CCDC186: variants seen among roughly 807,000 people sequenced by gnomAD.
The protein encoded by CCDC186 is coiled-coil domain containing 186, also known as coiled-coil domain-containing protein 186.
A neutral mutation model predicts 113.7 loss-of-function variants in CCDC186; 49 were observed. The ratio of observed to expected loss-of-function variants is 0.43; its 90% CI spans 0.34 to 0.55. The LOEUF is 0.55. Ranked by LOEUF, CCDC186 falls within the 20% of genes least tolerant of loss-of-function variation. The pLI is 0.02. For synonymous variants in CCDC186, 355 were observed against 345.8 expected (o/e 1.03, Z -0.30); for missense variants, 890 against 1,011.1 (o/e 0.88, Z 1.62).
At chr10:114,172,419 GACA>G (rs1200881515) in intron 1 of CCDC186, among the ~76,000 whole-genome samples, 1 of 152,172 alleles carries the variant, frequency 6.6e-6, no homozygotes, top group African/African-American at 2.4e-5. Context: ...AGCATTAAAG[GACA>G]ACTCTACTTT....
In CCDC186 at chr10:114,129,899, C is replaced by A; in HGVS notation, c.2174G>T (p.Ser725Ile). Residue 725 changes from serine (S) to isoleucine (I), a missense_variant, in exon 13 of 16, where the codon AGT becomes ATT. Physicochemically the swap from Ser to Ile is moderately radical, Grantham distance 142. Transcript: ENST00000369287. ...KEVSSMGSRS[S>I]SSGSLNARSS... ...AGCCACTAGTTTTTTACCTGATGAACTAGAACGACTTCCCATGCTGCTGAC... is the reference window on the plus strand; with the variant it reads ...AGCCACTAGTTTTTTACCTGATGAAATAGAACGACTTCCCATGCTGCTGAC... 1 of 1,613,450 alleles carries A rather than the reference C, an allele frequency of 6.2e-7. No individual in the cohort carries two copies. Among genetic ancestry groups the A allele is most frequent in the Non-Finnish European group, 8.5e-7 (1 of 1,179,590 alleles).
rs557926298 is a variant in CCDC186, at chr10:114,125,831, C to A, written c.2613+55G>T. 30 of 1,448,774 alleles carry A rather than the reference C, an allele frequency of 2.1e-5. No individual in the cohort carries two copies. The East Asian group carries it at 4.1e-4, about 20-fold the overall frequency. The allele number at this position is 1,448,774 out of a possible 1,614,324, so 89.7% of individuals were successfully genotyped here. ...CTGATTGCTAGATCAGACTGTGAAA[C>A]AGGCATCATTTTGCCATGTTTACTG... On this transcript the variant is annotated intron_variant, in intron 15 of 15. Transcript: ENST00000369287.
chr10:114,126,149 A>T (rs1335190054), intron 14 of CCDC186, 44 bp from the exon 15 acceptor site: 3 of 1,449,352 alleles, frequency 2.1e-6, no homozygotes, highest in Admixed American at 1.9e-5. Context: ...TTGTAGAATT[A>T]AAAAAAATGG....
chr10:114,130,706 A>G (rs1388012696), intron 12 of CCDC186: 2 of 149,784 alleles, frequency 1.3e-5, no homozygotes, highest in African/African-American at 5.1e-5. Flanking sequence ...GGAATGTAAA[A>G]GAAGATATCA....
intron 5 of CCDC186, among the ~76,000 whole-genome samples, chr10:114,145,321 C>T (rs189848473): frequency 7.5e-6 from 1 of 134,146 alleles, no homozygotes; most frequent in East Asian, 2.0e-4. Context: ...ATCTAATAAA[C>T]AACATGTGCC....
At chr10:114,127,710 T>G in intron 13 of CCDC186, 39 bp from the exon 14 acceptor site, 2 of 1,505,726 alleles carry the variant, frequency 1.3e-6, no homozygotes, top group Non-Finnish European at 1.8e-6. Context: ...CTGTGCTTAA[T>G]CTAACATCAC....
chr10:114,135,127 A>G, intron 9 of CCDC186, 72 bp from the exon 10 acceptor site: 2 of 1,372,394 alleles, frequency 1.5e-6, no homozygotes, highest in South Asian at 3.2e-5. Context: ...TATAGTGGTT[A>G]CATATGAATA....
chr10:114,153,990 G>A lies in CCDC186; in HGVS notation c.760-2770C>T, dbSNP rs1170934171. The stretch of plus-strand genomic sequence containing the variant: ...TTTGGGAGGCTGAGGCAGGTGGATC[G>A]CTTGAGCTCACAAGTTCGAGACGAG... On this transcript the variant is annotated intron_variant, in intron 3 of 15. Coordinates refer to ENST00000369287, the MANE Select transcript of CCDC186 (RefSeq NM_018017.4). Among the ~76,000 whole-genome samples, 21 of 151,616 alleles carry A rather than the reference G, an allele frequency of 1.4e-4. No individual in the cohort carries two copies. In the South Asian group the frequency reaches 4.0e-3, roughly 29 times the overall value.
intron 1 of CCDC186, chr10:114,168,338 C>T (rs989530337): frequency 6.6e-5 from 10 of 152,270 alleles, no homozygotes; most frequent in South Asian, 4.2e-4. Context: ...TGAAAGAACT[C>T]ACATTTCTAC....
At chr10:114,173,552 G>C (rs1343530737) in intron 1 of CCDC186, among the ~76,000 whole-genome samples, 1 of 152,218 alleles carries the variant, frequency 6.6e-6, no homozygotes, top group East Asian at 1.9e-4. Flanking sequence ...AGTAATGGAA[G>C]TGTTTGGAAG....
Position 114,171,716 on chromosome 10 carries a change from T to C in CCDC186, c.-62+2299A>G, listed in dbSNP as rs1185361830. Among the ~76,000 whole-genome samples, 6 of 152,330 alleles carry C rather than the reference T, an allele frequency of 3.9e-5. No individual in the cohort carries two copies. In the East Asian group the frequency reaches 9.6e-4, roughly 24 times the overall value. On this transcript the variant is annotated intron_variant, in intron 1 of 15. Coordinates refer to ENST00000369287, the MANE Select transcript of CCDC186 (RefSeq NM_018017.4). ...CTACTTTATTAAAAACATGAACTGATAGTCTACCGTGGGATTATGTAGTAA... is the reference window on the plus strand; with the variant it reads ...CTACTTTATTAAAAACATGAACTGACAGTCTACCGTGGGATTATGTAGTAA...
intron 2 of CCDC186, among the ~76,000 whole-genome samples, chr10:114,161,329 A>ATG (rs1491076554): frequency 6.6e-6 from 1 of 152,234 alleles, no homozygotes; most frequent in Non-Finnish European, 1.5e-5. Context: ...ATAACAGCAC[A>ATG]TGTCACAGAG....
chr10:114,149,384 C>T (rs1054000362), intron 4 of CCDC186, among the ~76,000 whole-genome samples: 1 of 152,068 alleles, frequency 6.6e-6, no homozygotes, highest in Non-Finnish European at 1.5e-5. Flanking sequence ...TGGAAGGATA[C>T]ACAGGAAACT....
rs151079892 is a variant in CCDC186, at chr10:114,136,226, T to C, written c.1347A>G (p.Ser449=). The change falls in exon 8 of 16, where the codon TCA becomes TCG. Residue 449 remains serine, a synonymous_variant. Coordinates refer to ENST00000369287, the MANE Select transcript of CCDC186 (RefSeq NM_018017.4). ...KTYQESEEIK[S]NELDAKLRVT... is the part of the protein sequence containing the mutation. Reference sequence around the variant, plus strand: ...CTCTAAGCTTTGCATCAAGCTCATTTGATTTAATTTCTTCTGACTCCTAGT... The same window carrying C: ...CTCTAAGCTTTGCATCAAGCTCATTCGATTTAATTTCTTCTGACTCCTAGT... The C allele has an allele frequency of 6.2e-7, 1 of 1,611,392 alleles. No homozygotes were observed. The highest frequency in any genetic ancestry group is 1.3e-5 in the African/African-American group (1 of 74,884).
At chr10:114,143,859 A>G (rs2031552849) in intron 6 of CCDC186, among the ~76,000 whole-genome samples, 3 of 152,176 alleles carry the variant, frequency 2.0e-5, no homozygotes, top group Admixed American at 6.5e-5. Flanking sequence ...TTCACATTCT[A>G]TCATCTTCAG....
chr10:114,157,858 C>T (rs78126993), intron 2 of CCDC186, among the ~76,000 whole-genome samples, 178 bp from the exon 3 acceptor site: 1,658 of 152,262 alleles, frequency 0.011, 20 homozygotes, highest in African/African-American at 0.038. Flanking sequence ...GCAAAAGATT[C>T]TCTGGCCCAT....
chr10:114,134,803 T>A, intron 10 of CCDC186, 110 bp downstream of exon 10: 4 of 1,153,130 alleles, frequency 3.5e-6, no homozygotes, highest in Non-Finnish European at 3.7e-6. Context: ...AAATTTCAGC[T>A]AGTAAAATTG....
At chr10:114,171,495 G>C (rs1008240143) in intron 1 of CCDC186, among the ~76,000 whole-genome samples, 2 of 152,144 alleles carry the variant, frequency 1.3e-5, no homozygotes, top group African/African-American at 2.4e-5. Flanking sequence ...AGGCTACAGT[G>C]AATTATGATC....
At chr10:114,146,070 G>T (rs1404158149) in intron 4 of CCDC186, among the ~76,000 whole-genome samples, 3 of 152,134 alleles carry the variant, frequency 2.0e-5, no homozygotes, top group African/African-American at 7.2e-5. Flanking sequence ...TGGTGTCCCA[G>T]GAACATGATG....
Sources: allele counts gnomAD v4.1 joint callset (sites outside exome capture counted in the v4.1 genomes callset), GRCh38; gene constraint gnomAD v4.1.1; transcripts MANE v1.5; gene names NCBI Gene and HGNC (gene_info 2026-07-23, HGNC 2026-07-21).